TMEM74: variants seen among roughly 807,000 people sequenced by gnomAD.
TMEM74 encodes the protein transmembrane protein 74.
A neutral mutation model predicts 18.1 loss-of-function variants in TMEM74; 13 were observed. The observed-to-expected ratio is 0.72, with a 90% CI of 0.47 to 1.14. The LOEUF (loss-of-function observed/expected upper bound fraction) is 1.14, where lower values mean the gene tolerates loss of function less well. Ranked by LOEUF, TMEM74 falls within the 50% of genes most tolerant of loss-of-function variation. The pLI, the probability that TMEM74 is intolerant of heterozygous loss-of-function variation, is 0.00. For synonymous variants in TMEM74, 159 were observed against 146.6 expected (o/e 1.08, Z -0.61); for missense variants, 372 against 375.9 (o/e 0.99, Z 0.09).
chr8:108,699,192 C>CTTT (rs1813312491), intron 1 of TMEM74, among the ~76,000 whole-genome samples: 4 of 132,988 alleles, frequency 3.0e-5, no homozygotes, highest in Non-Finnish European at 6.5e-5. Context: ...TTCCTCCCTC[C>CTTT]CTCCCTCCCT....
intron 2 of TMEM74, among the ~76,000 whole-genome samples, chr8:108,609,271 A>T (rs961687229): frequency 6.6e-6 from 1 of 152,216 alleles, no homozygotes; most frequent in African/African-American, 2.4e-5. Context: ...ATCTAAAATA[A>T]GTTCTTTCAG....
chr8:108,731,577 G>A (rs1813695953), intron 1 of TMEM74, among the ~76,000 whole-genome samples: 1 of 152,118 alleles, frequency 6.6e-6, no homozygotes, highest in Admixed American at 6.6e-5. Context: ...TAGAGAGCAT[G>A]AATACACACT....
At chr8:108,632,221 T>C (rs1016437980) in intron 2 of TMEM74, among the ~76,000 whole-genome samples, 1 of 151,872 alleles carries the variant, frequency 6.6e-6, no homozygotes, top group Non-Finnish European at 1.5e-5. Flanking sequence ...GAAGATTAAG[T>C]ATAGGGGAAA....
chr8:108,657,341 G>C (rs1812829606), intron 1 of TMEM74, among the ~76,000 whole-genome samples: 1 of 151,982 alleles, frequency 6.6e-6, no homozygotes, highest in South Asian at 2.1e-4. Flanking sequence ...ACAAGCAGGA[G>C]AGGTAAATGT....
At chr8:108,699,919 G>A (rs1280351500) in intron 1 of TMEM74, among the ~76,000 whole-genome samples, 1 of 152,182 alleles carries the variant, frequency 6.6e-6, no homozygotes, top group African/African-American at 2.4e-5. Flanking sequence ...CTGGTGTGAG[G>A]TAAAGTGAAA....
At chr8:108,757,377 T>C (rs937044786) in intron 1 of TMEM74, among the ~76,000 whole-genome samples, 4 of 152,094 alleles carry the variant, frequency 2.6e-5, no homozygotes, top group African/African-American at 9.6e-5. Flanking sequence ...ACACTCTTTG[T>C]ATTCTTATAT....
intron 1 of TMEM74, among the ~76,000 whole-genome samples, chr8:108,736,688 A>T (rs989532925): frequency 6.6e-6 from 1 of 152,124 alleles, no homozygotes; most frequent in Admixed American, 6.5e-5. Flanking sequence ...AAATGTTTTC[A>T]TTGTTTTAAG....
In TMEM74 at chr8:108,747,327, T is replaced by C. The variant is rs534562776; in HGVS notation, n.119+40149A>G. On this transcript the variant is annotated intron_variant and non_coding_transcript_variant, in intron 1 of 3. Coordinates refer to the TMEM74 transcript ENST00000518838. ...ACAAATAAGAGTTTTCTATACAATG[T>C]TCCTTTCTAGCTAATGAAGGATTTA... 3.9e-5 allele frequency among the ~76,000 whole-genome samples: 6 copies of C among 152,244 alleles called. No individual in the cohort carries two copies. The East Asian group carries it at 1.2e-3, about 29-fold the overall frequency.
chr8:108,731,593 T>C (rs1205556685), intron 1 of TMEM74, among the ~76,000 whole-genome samples: 1 of 152,152 alleles, frequency 6.6e-6, no homozygotes, highest in Non-Finnish European at 1.5e-5. Flanking sequence ...ACACTCAAAA[T>C]AGGACATGGC....
chr8:108,618,562 A>C (rs1586235606), intron 2 of TMEM74, among the ~76,000 whole-genome samples: 1 of 152,290 alleles, frequency 6.6e-6, no homozygotes, highest in South Asian at 2.1e-4. Context: ...TTATCAGTAC[A>C]CTGGAGTACT....
At chr8:108,659,428 C>G (rs117951452) in intron 1 of TMEM74, among the ~76,000 whole-genome samples, 1,686 of 152,232 alleles carry the variant, frequency 0.011, 16 homozygotes, top group Middle Eastern at 0.044. Context: ...TAAACCTTGT[C>G]AATATCCTTT....
intron 2 of TMEM74, among the ~76,000 whole-genome samples, chr8:108,627,640 G>C (rs1812507649): frequency 6.6e-6 from 1 of 152,006 alleles, no homozygotes; most frequent in South Asian, 2.1e-4. Context: ...GGAACCTTTT[G>C]CAATGTGGTC....
At chr8:108,608,194 C>T (rs931341514) in intron 3 of TMEM74, among the ~76,000 whole-genome samples, 2 of 150,246 alleles carry the variant, frequency 1.3e-5, no homozygotes, top group East Asian at 2.0e-4. Flanking sequence ...CCCGGCTATT[C>T]GAGAGGCTGA....
intron 2 of TMEM74, among the ~76,000 whole-genome samples, chr8:108,611,728 T>A (rs377763030): frequency 1.1e-4 from 16 of 152,246 alleles, no homozygotes; most frequent in African/African-American, 3.6e-4. Context: ...GACTAAATTT[T>A]TCTGTCAATT....
intron 2 of TMEM74, among the ~76,000 whole-genome samples, chr8:108,646,064 T>C (rs1437647525): frequency 6.6e-6 from 1 of 151,938 alleles, no homozygotes; most frequent in Non-Finnish European, 1.5e-5. Context: ...AACCACTTGA[T>C]ATATATTGTT....
At chr8:108,739,391 T>C (rs564414350) in intron 1 of TMEM74, among the ~76,000 whole-genome samples, 1 of 152,318 alleles carries the variant, frequency 6.6e-6, no homozygotes, top group South Asian at 2.1e-4. Flanking sequence ...GTGTGCTGTA[T>C]TTTAGGAGGC....
At chr8:108,690,331 A>G (rs1054842733) in intron 1 of TMEM74, among the ~76,000 whole-genome samples, 10 of 151,528 alleles carry the variant, frequency 6.6e-5, no homozygotes, top group Non-Finnish European at 1.3e-4. Flanking sequence ...AAGTAATACC[A>G]TTTTCCCATT....
At chr8:108,624,555 T>C (rs934909265) in intron 2 of TMEM74, among the ~76,000 whole-genome samples, 1 of 152,118 alleles carries the variant, frequency 6.6e-6, no homozygotes, top group Non-Finnish European at 1.5e-5. Context: ...TATGCAAATA[T>C]ATTCCTAACT....
At chr8:108,669,168 G>A (rs1324527663) in intron 1 of TMEM74, among the ~76,000 whole-genome samples, 6 of 151,982 alleles carry the variant, frequency 3.9e-5, no homozygotes, top group South Asian at 2.1e-4. Flanking sequence ...GATCTCTCTC[G>A]TTTTTCAGGT....
Sources: allele counts gnomAD v4.1 joint callset (sites outside exome capture counted in the v4.1 genomes callset), GRCh38; gene constraint gnomAD v4.1.1; transcripts MANE v1.5; gene names NCBI Gene and HGNC (gene_info 2026-07-23, HGNC 2026-07-21).